The following MIOS variants were observed in gnomAD, a reference collection of about 807,000 sequenced individuals.
MIOS encodes the protein GATOR2 complex protein MIOS.
Under a neutral mutation model 96.9 loss-of-function variants are expected in MIOS, and 52 were observed. The observed-to-expected ratio is 0.54, with a 90% CI of 0.43 to 0.68. MIOS has a LOEUF of 0.68. Among genes scored for constraint, MIOS ranks in the 30% least tolerant of loss-of-function variants. MIOS has a pLI of 0.00. For missense variants in MIOS, 1,005 were observed against 1,052.8 expected (o/e 0.95, Z 0.63); for synonymous variants, 397 against 359.5 (o/e 1.10, Z -1.18).
Position 7,607,164 on chromosome 7 carries a change from T to G in MIOS, c.*72T>G. ...AGGTGTCCTTCATAGCTCAGAAACA[T>G]ACCTCAGAACAAGCCATTCATGACT... On this transcript the variant is annotated 3_prime_UTR_variant, in exon 13 of 13. Transcript: ENST00000340080. 6 of 1,169,340 alleles carry G rather than the reference T, an allele frequency of 5.1e-6. No homozygotes were observed. Among genetic ancestry groups the G allele is most frequent in the Non-Finnish European group, 7.4e-6 (6 of 806,244 alleles). 72.4% of individuals were successfully genotyped at this position (1,169,340 alleles called of 1,614,324 possible).
chr7:7,567,917 G>A (rs760957809), intron 2 of MIOS, 109 bp from the exon 3 acceptor site: 3 of 152,090 alleles, frequency 2.0e-5, no homozygotes, highest in Non-Finnish European at 4.4e-5. Flanking sequence ...TTGATATGTT[G>A]GCTAAATAAA....
At chr7:7,588,456 G>T in intron 7 of MIOS, 42 bp from the exon 8 acceptor site, 2 of 1,327,764 alleles carry the variant, frequency 1.5e-6, no homozygotes, top group South Asian at 3.4e-5. Context: ...TTTAAAACCA[G>T]TGCGCCTAGA....
At position 7,572,117 on chromosome 7, in the gene MIOS, C is replaced by G. The variant is rs532654211; in HGVS notation, c.-40-319C>G. 2.6e-5 allele frequency among the ~76,000 whole-genome samples: 4 copies of G among 152,154 alleles called. No individual in the cohort carries two copies. The highest frequency in any genetic ancestry group is 6.5e-5 in the Admixed American group (1 of 15,284). ...GGATAATACTTATTAATTTGCTTAC[C>G]ACACTGAAGTTGTTATAACTCTGAA... On this transcript the variant is annotated intron_variant, in intron 3 of 12. Coordinates refer to ENST00000340080, the MANE Select transcript of MIOS (RefSeq NM_019005.4). The surrounding 1 kb of genome is among the most constrained non-coding windows in gnomAD (Gnocchi z 4.8).
At position 7,573,482 on chromosome 7, in the gene MIOS, A is replaced by G; in HGVS notation, c.1007A>G (p.Asn336Ser). 6.2e-7 allele frequency: 1 copy of G among 1,614,162 alleles called. No homozygotes were observed. The highest frequency in any genetic ancestry group is 8.5e-7 in the Non-Finnish European group (1 of 1,179,980). ...ASFAWHPTSQ[N>S]RMIVVTPNRT... ...TTTGCGTGGCATCCAACAAGTCAAA[A>G]TCGAATGATAGTTGTAACTCCCAAC... Residue 336 changes from asparagine to serine, a missense_variant, in exon 4 of 13, where the codon AAT becomes AGT. By Grantham distance (46) the Asn-to-Ser change is conservative. Transcript: ENST00000340080. The surrounding 1 kb of genome is among the most constrained non-coding windows in gnomAD (Gnocchi z 5.0).
chr7:7,570,353 T>G (rs552723145), intron 3 of MIOS, among the ~76,000 whole-genome samples: 1 of 151,964 alleles, frequency 6.6e-6, no homozygotes. Context: ...TGATTGATCT[T>G]GGGCTTGAGA....
chr7:7,585,828 A>T, intron 7 of MIOS, 23 bp downstream of exon 7: 2 of 1,575,082 alleles, frequency 1.3e-6, no homozygotes, highest in Non-Finnish European at 1.7e-6. Context: ...GTTTTTTAAG[A>T]TCTTCCTTTG....
chr7:7,566,898 A>G lies in MIOS; in HGVS notation c.-395A>G, dbSNP rs950444712. On this transcript the variant is annotated 5_prime_UTR_variant, in exon 1 of 13. Coordinates refer to ENST00000340080, the MANE Select transcript of MIOS (RefSeq NM_019005.4). ...CTGGGAAACTCCCCTTCCAAGGCCG[A>G]GGCGCCGCTGCGCGTCCTCCAGGCG... 5 of 152,092 alleles carry G rather than the reference A, an allele frequency of 3.3e-5. No homozygotes were observed. Among genetic ancestry groups the G allele is most frequent in the African/African-American group, 1.2e-4 (5 of 41,414 alleles). The allele number at this position is 152,092 out of a possible 1,614,324, so 9.4% of individuals were successfully genotyped here. A position where few individuals can be genotyped will look rare whatever the true frequency, so the allele number is the denominator to read the frequency against.
chr7:7,589,504 A>T lies in MIOS; in HGVS notation c.1984A>T (p.Met662Leu), dbSNP rs750969155. Residue 662 changes from methionine (M) to leucine (L), a missense_variant, in exon 9 of 13, where the codon ATG (methionine) becomes TTG (leucine). By Grantham distance (15) the Met-to-Leu change is conservative (BLOSUM62 2). Coordinates refer to ENST00000340080, the MANE Select transcript of MIOS (RefSeq NM_019005.4). Reference sequence around the variant, plus strand: ...CCTTACTAAAGATGGAGTGGACTTAATGGAGAGTTATGTTGATAGAACTGG... The same window carrying T: ...CCTTACTAAAGATGGAGTGGACTTATTGGAGAGTTATGTTGATAGAACTGG... ...TGLTKDGVDL[M>L]ESYVDRTGDV... 1 of 1,613,562 alleles carries T rather than the reference A, an allele frequency of 6.2e-7. No individual in the cohort carries two copies. The highest frequency in any genetic ancestry group is 8.5e-7 in the Non-Finnish European group (1 of 1,179,678).
chr7:7,576,051 A>G (rs1160489403), intron 5 of MIOS, among the ~76,000 whole-genome samples: 1 of 152,202 alleles, frequency 6.6e-6, no homozygotes, highest in Non-Finnish European at 1.5e-5. Flanking sequence ...CAACACATTG[A>G]GCCATCTTGT....
chr7:7,573,431 A>G lies in MIOS; in HGVS notation c.956A>G (p.Gln319Arg). 1.2e-6 allele frequency: 2 copies of G among 1,614,162 alleles called. No homozygotes were observed. The highest frequency in any genetic ancestry group is 1.7e-6 in the Non-Finnish European group (2 of 1,179,966). ...TEPTIIERSV[Q>R]PCDNYIASFA... is the part of the protein sequence containing the mutation. ...CCCACAATAATTGAAAGAAGTGTGC[A>G]ACCTTGTGACAATTACATTGCTTCC... is the stretch of plus-strand genomic sequence containing the variant. Residue 319 changes from glutamine (Q) to arginine (R), a missense_variant, in exon 4 of 13, where the codon CAA (glutamine) becomes CGA (arginine). By Grantham distance (43) the Gln-to-Arg change is conservative. This residue lies in a region of MIOS where 865 missense variants were observed against 887.9 expected (regional missense o/e 0.97). Coordinates refer to ENST00000340080, the MANE Select transcript of MIOS (RefSeq NM_019005.4). The surrounding 1 kb of genome is among the most constrained non-coding windows in gnomAD (Gnocchi z 5.0).
chr7:7,607,746 C>T lies in MIOS; in HGVS notation c.*654C>T, dbSNP rs1249315285. 1.3e-5 allele frequency: 2 copies of T among 152,074 alleles called. No individual in the cohort carries two copies. The highest frequency in any genetic ancestry group is 2.9e-5 in the Non-Finnish European group (2 of 68,012). 9.4% of individuals were successfully genotyped at this position (152,074 alleles called of 1,614,324 possible). A position where few individuals can be genotyped will look rare whatever the true frequency, so the allele number is the denominator to read the frequency against. Reference sequence around the variant, plus strand: ...CAATCTTTTGGCATAACATTATCGTCTTCCTAGAAAAGCCAAGATGAAGAA... The same window carrying T: ...CAATCTTTTGGCATAACATTATCGTTTTCCTAGAAAAGCCAAGATGAAGAA... On this transcript the variant is annotated 3_prime_UTR_variant, in exon 13 of 13. Transcript: ENST00000340080.
At chr7:7,595,854 ACT>A (rs1446837149) in intron 10 of MIOS, among the ~76,000 whole-genome samples, 1 of 152,034 alleles carries the variant, frequency 6.6e-6, no homozygotes, top group Non-Finnish European at 1.5e-5. Flanking sequence ...AAGTTTGTTA[ACT>A]CTCTTTGTCT....
Position 7,569,566 on chromosome 7 carries a change from A to T in MIOS, c.-41+1443A>T, listed in dbSNP as rs571314886. 2.0e-5 allele frequency among the ~76,000 whole-genome samples: 3 copies of T among 152,318 alleles called. No homozygotes were observed. The South Asian group carries it at 6.2e-4, about 32-fold the overall frequency. ...GATCATTCAGCACATGCATTTATTT[A>T]ACAAATGTTTATTAACTTCCTACTA... On this transcript the variant is annotated intron_variant, in intron 3 of 12. Coordinates refer to ENST00000340080, the MANE Select transcript of MIOS (RefSeq NM_019005.4).
rs1783215459 is a variant in MIOS at position 7,568,099 on chromosome 7, AAG to A, written c.-64_-63del. 1 of 152,244 alleles carries A rather than the reference AAG, an allele frequency of 6.6e-6. No homozygotes were observed. Among genetic ancestry groups the A allele is most frequent in the African/African-American group, 2.4e-5 (1 of 41,462 alleles). 9.4% of individuals were successfully genotyped at this position (152,244 alleles called of 1,614,324 possible). A position where few individuals can be genotyped will look rare whatever the true frequency, so the allele number is the denominator to read the frequency against. On this transcript the variant is annotated 5_prime_UTR_variant, in exon 3 of 13. It adds an upstream start codon to the 5' untranslated region. Transcript: ENST00000340080. ...CCTTTGCTGAGAAATCACTGATGGG[AAG>A]TGAGACTTGTTAAACTTGAAAGGTG...
intron 9 of MIOS, among the ~76,000 whole-genome samples, chr7:7,591,119 T>C (rs1027524863): frequency 2.0e-5 from 3 of 152,160 alleles, no homozygotes; most frequent in Non-Finnish European, 4.4e-5. Flanking sequence ...ATAGCATTCC[T>C]TGTAATATAG....
intron 11 of MIOS, among the ~76,000 whole-genome samples, chr7:7,600,972 G>C (rs375806613): frequency 6.6e-6 from 1 of 152,082 alleles, no homozygotes; most frequent in East Asian, 1.9e-4. Flanking sequence ...TGACTACTGG[G>C]TACATAACGA....
chr7:7,574,322 T>C, intron 5 of MIOS, 126 bp downstream of exon 5: 1 of 633,310 alleles, frequency 1.6e-6, no homozygotes, highest in Non-Finnish European at 2.6e-6. Context: ...TTTTGTTTTC[T>C]GATTGGATAT....
intron 5 of MIOS, among the ~76,000 whole-genome samples, chr7:7,578,531 A>G (rs1472447791): frequency 1.3e-5 from 2 of 152,104 alleles, no homozygotes; most frequent in Non-Finnish European, 2.9e-5. Context: ...GGTAAAATCT[A>G]ATCTAGAGAA....
intron 11 of MIOS, among the ~76,000 whole-genome samples, chr7:7,597,468 TTATATA>T (rs1160646084): frequency 4.0e-3 from 47 of 11,680 alleles, no homozygotes; most frequent in African/African-American, 5.5e-3. Flanking sequence ...CCTAGTAAAT[TTATATA>T]TATATATATA....
Sources: allele counts gnomAD v4.1 joint callset (sites outside exome capture counted in the v4.1 genomes callset), GRCh38; gene constraint gnomAD v4.1.1; regional missense constraint gnomAD v4.1.1; non-coding constraint Gnocchi (gnomAD v3.1); transcripts MANE v1.5; gene names NCBI Gene and HGNC (gene_info 2026-07-23, HGNC 2026-07-21).